NIPBL: variants seen among roughly 807,000 people sequenced by gnomAD.
NIPBL encodes the protein nipped-B-like protein.
A neutral mutation model predicts 321.8 loss-of-function variants in NIPBL; 19 were observed. The ratio of observed to expected loss-of-function variants is 0.06; its 90% CI spans 0.04 to 0.09. The LOEUF (loss-of-function observed/expected upper bound fraction) is 0.09, where lower values mean the gene tolerates loss of function less well. NIPBL is among the 10% of genes least tolerant of loss of function. NIPBL has a pLI of 1.00. For missense variants in NIPBL, 2,210 were observed against 3,327.0 expected (o/e 0.66, Z 8.26); for synonymous variants, 1,106 against 1,114.1 (o/e 0.99, Z 0.14).
At chr5:36,954,433 A>T (rs915158742) in intron 2 of NIPBL, among the ~76,000 whole-genome samples, 4 of 152,308 alleles carry the variant, frequency 2.6e-5, no homozygotes, top group African/African-American at 7.2e-5. Flanking sequence ...AGCTTAGGAA[A>T]TAAGCGTAAC....
At position 36,953,774 on chromosome 5, in the gene NIPBL, A is replaced by T; in HGVS notation, c.64+14A>T. The T allele has an allele frequency of 1.9e-6, 3 of 1,597,372 alleles. No homozygotes were observed. In the South Asian group the frequency reaches 3.3e-5, roughly 18 times the overall value. ...GTCTCACAGACCGTAAGTTTGGTTA[A>T]TTTATCTAATTTAAGTTCTACTGTG... On this transcript the variant is annotated intron_variant, in intron 2 of 46. Transcript: ENST00000282516.
At chr5:36,997,182 T>C (rs1006214395) in intron 11 of NIPBL, among the ~76,000 whole-genome samples, 3 of 151,972 alleles carry the variant, frequency 2.0e-5, no homozygotes, top group African/African-American at 4.8e-5. Context: ...CTCATTCCCT[T>C]TAATATACAT....
intron 1 of NIPBL, among the ~76,000 whole-genome samples, chr5:36,924,197 A>T (rs1749175265): frequency 6.6e-6 from 1 of 152,158 alleles, no homozygotes; most frequent in Non-Finnish European, 1.5e-5. Flanking sequence ...TGATCTTTAA[A>T]TGTTACAACT....
chr5:37,044,909 G>T (rs1390669244), intron 36 of NIPBL, among the ~76,000 whole-genome samples, 180 bp downstream of exon 36: 1 of 152,144 alleles, frequency 6.6e-6, no homozygotes, highest in Non-Finnish European at 1.5e-5. Context: ...AACCCACTGT[G>T]ATTACTTCAG....
intron 34 of NIPBL, among the ~76,000 whole-genome samples, chr5:37,043,139 TA>T (rs1752619983): frequency 6.6e-6 from 1 of 152,178 alleles, no homozygotes; most frequent in African/African-American, 2.4e-5. Context: ...CCCACACCTG[TA>T]ATCCCAGTAC....
At chr5:37,053,274 A>G (rs1354412200) in intron 42 of NIPBL, among the ~76,000 whole-genome samples, 4 of 152,186 alleles carry the variant, frequency 2.6e-5, no homozygotes, top group Non-Finnish European at 5.9e-5. Context: ...CTATAACACA[A>G]TGGTAAGTAT....
chr5:36,912,501 ATT>A (rs773223714), intron 1 of NIPBL, among the ~76,000 whole-genome samples: 36 of 136,764 alleles, frequency 2.6e-4, no homozygotes, highest in Admixed American at 5.2e-4. Context: ...TGTATTACTG[ATT>A]TTTTTTTTTT....
intron 6 of NIPBL, 141 bp from the exon 7 acceptor site, chr5:36,970,735 G>A: frequency 1.4e-6 from 1 of 716,940 alleles, no homozygotes; most frequent in Non-Finnish European, 2.4e-6. Context: ...GTTAAGATTT[G>A]ATGAAACTAG....
At position 36,953,673 on chromosome 5, in the gene NIPBL, G is replaced by T; in HGVS notation, c.-24G>T. On this transcript the variant is annotated 5_prime_UTR_variant, in exon 2 of 47. Coordinates refer to ENST00000282516, the MANE Select transcript of NIPBL (RefSeq NM_133433.4). Reference sequence around the variant, plus strand: ...GCACCTGAACTAAGTACTTTTATAGGCAACACCATTCCAGAAATTCAGGAT... The same window carrying T: ...GCACCTGAACTAAGTACTTTTATAGTCAACACCATTCCAGAAATTCAGGAT... The T allele has an allele frequency of 6.2e-7, 1 of 1,609,056 alleles. No homozygotes were observed. Among genetic ancestry groups the T allele is most frequent in the Non-Finnish European group, 8.5e-7 (1 of 1,175,438 alleles).
At position 36,920,806 on chromosome 5, in the gene NIPBL, T is replaced by C. The variant is rs144443613; in HGVS notation, c.-79-32812T>C. Among the ~76,000 whole-genome samples the C allele has an allele frequency of 8.1e-3, 1,227 of 151,666 alleles. 12 individuals carry two copies. Among genetic ancestry groups the C allele is most frequent in the African/African-American group, 0.028 (1,166 of 41,132 alleles). On this transcript the variant is annotated intron_variant, in intron 1 of 46. Transcript: ENST00000282516. ...TAACCTGTATCTGTCACCTTACATA[T>C]CTTCTTCTTTGTTCCTTAATTTTTT... is the stretch of plus-strand genomic sequence containing the variant.
intron 32 of NIPBL, among the ~76,000 whole-genome samples, chr5:37,032,809 A>T (rs1417599822): frequency 6.6e-6 from 1 of 152,090 alleles, no homozygotes; most frequent in Non-Finnish European, 1.5e-5. Flanking sequence ...TAGAATCTAG[A>T]TGATGGTCGT....
intron 1 of NIPBL, among the ~76,000 whole-genome samples, chr5:36,933,137 A>C (rs1020922402): frequency 2.6e-5 from 4 of 152,040 alleles, no homozygotes; most frequent in African/African-American, 9.7e-5. Flanking sequence ...CCTTTAATAA[A>C]GTTTAAAGTA....
At chr5:36,999,461 G>A (rs935501989) in intron 11 of NIPBL, among the ~76,000 whole-genome samples, 1 of 152,146 alleles carries the variant, frequency 6.6e-6, no homozygotes, top group African/African-American at 2.4e-5. Context: ...GTCACTTATA[G>A]TGCCCCCCAG....
chr5:36,985,924 G>C lies in NIPBL; in HGVS notation c.2744G>C (p.Ser915Thr). ...SDKLGFKSPT[S>T]KDDKRTEGNK... ...AAACTTGGTTTTAAATCACCAACTAGTAAAGATGACAAAAGGACAGAGGGT... is the reference window on the plus strand; with the variant it reads ...AAACTTGGTTTTAAATCACCAACTACTAAAGATGACAAAAGGACAGAGGGT... Residue 915 changes from serine to threonine, a missense_variant, in exon 10 of 47, where the codon AGT becomes ACT. Physicochemically the swap from Ser to Thr is moderately conservative, Grantham distance 58. This residue lies in a region of NIPBL where 588 missense variants were observed against 564.1 expected (regional missense o/e 1.04). Transcript: ENST00000282516. 6.2e-7 allele frequency: 1 copy of C among 1,613,876 alleles called. No individual in the cohort carries two copies. Among genetic ancestry groups the C allele is most frequent in the Non-Finnish European group, 8.5e-7 (1 of 1,179,946 alleles).
intron 1 of NIPBL, among the ~76,000 whole-genome samples, chr5:36,952,053 T>TGTGTGTGTGTGTGTGTGTGTGCGCGC (rs778597604): frequency 1.6e-4 from 18 of 112,208 alleles, no homozygotes; most frequent in African/African-American, 2.5e-4. Flanking sequence ...TGTGTGTGTG[T>TGTGTGTGTGTGTGTGTGTGTGCGCGC]GCGCGCGCGC....
chr5:36,970,802 T>TC, intron 6 of NIPBL, 74 bp from the exon 7 acceptor site: 1 of 1,278,014 alleles, frequency 7.8e-7, no homozygotes, highest in South Asian at 1.3e-5. Context: ...CTTAAAATAT[T>TC]TGTGAATAAT....
chr5:37,036,807 T>C (rs967214106), intron 33 of NIPBL, among the ~76,000 whole-genome samples: 6 of 152,042 alleles, frequency 3.9e-5, no homozygotes, highest in African/African-American at 1.4e-4. Context: ...ATCTAGCTAA[T>C]GATACTCATC....
At chr5:36,963,466 A>G (rs972720960) in intron 6 of NIPBL, among the ~76,000 whole-genome samples, 3 of 152,070 alleles carry the variant, frequency 2.0e-5, no homozygotes, top group African/African-American at 7.2e-5. Context: ...GCTTTTTTAC[A>G]CACGAACTCA....
intron 4 of NIPBL, among the ~76,000 whole-genome samples, chr5:36,960,417 A>G (rs1380816173): frequency 2.6e-5 from 4 of 152,028 alleles, no homozygotes; most frequent in African/African-American, 9.7e-5. Context: ...TAATTAAGCT[A>G]TTAAAGCTAT....
Sources: allele counts gnomAD v4.1 joint callset (sites outside exome capture counted in the v4.1 genomes callset), GRCh38; gene constraint gnomAD v4.1.1; regional missense constraint gnomAD v4.1.1; transcripts MANE v1.5; gene names NCBI Gene and HGNC (gene_info 2026-07-23, HGNC 2026-07-21).